Variants in ZNG1E observed in about 807,000 individuals in gnomAD.
ZNG1E encodes the protein zinc-regulated GTPase metalloprotein activator 1E.
chr9:65,703,960 C>T, the ZNG1E span: 1 of 753,270 alleles, frequency 1.3e-6, no homozygotes, highest in Non-Finnish European at 1.5e-6. Flanking sequence ...AAATGTGCTC[C>T]CTGCATTTCA....
the ZNG1E span, among the ~76,000 whole-genome samples, chr9:65,720,764 C>T: frequency 2.1e-5 from 3 of 142,306 alleles, no homozygotes; most frequent in Non-Finnish European, 4.5e-5. Context: ...AGTGATCACT[C>T]AATTTTTGAA....
chr9:65,665,056 G>A, the ZNG1E span, among the ~76,000 whole-genome samples: 4 of 152,270 alleles, frequency 2.6e-5, no homozygotes, highest in Admixed American at 2.6e-4. Context: ...GAGCACAAAA[G>A]TTTGGAAAAT....
At chr9:65,714,939 C>A in the ZNG1E span, among the ~76,000 whole-genome samples, 2 of 151,374 alleles carry the variant, frequency 1.3e-5, no homozygotes, top group African/African-American at 4.9e-5. Flanking sequence ...GTTGGAGCTT[C>A]CTGGCTGCTT....
At chr9:65,683,860 G>C in the ZNG1E span, among the ~76,000 whole-genome samples, 18 of 152,376 alleles carry the variant, frequency 1.2e-4, no homozygotes, top group Non-Finnish European at 2.5e-4. Flanking sequence ...CTGATGATAG[G>C]ACTTGGACTA....
At chr9:65,692,215 CTT>C in the ZNG1E span, among the ~76,000 whole-genome samples, 2 of 42,924 alleles carry the variant, frequency 4.7e-5, 1 homozygote. Flanking sequence ...AATAACCTGT[CTT>C]ATGTACTTAT....
chr9:65,672,240 A>G, the ZNG1E span, among the ~76,000 whole-genome samples: 1 of 151,796 alleles, frequency 6.6e-6, no homozygotes, highest in Non-Finnish European at 1.5e-5. Flanking sequence ...TGCCTATCAG[A>G]TGCTTAGGGG....
chr9:65,671,643 CTGT>C, the ZNG1E span, among the ~76,000 whole-genome samples: 1 of 152,198 alleles, frequency 6.6e-6, no homozygotes, highest in Admixed American at 6.6e-5. Context: ...TCTAAGTAAT[CTGT>C]TGTTACTTTG....
the ZNG1E span, among the ~76,000 whole-genome samples, chr9:65,725,136 T>C: frequency 0.017 from 2,293 of 137,924 alleles, no homozygotes; most frequent in Admixed American, 0.03. Context: ...CTATACAGCA[T>C]AGCTTAGGTG....
the ZNG1E span, among the ~76,000 whole-genome samples, chr9:65,694,612 CT>C: frequency 6.6e-6 from 1 of 151,228 alleles, no homozygotes; most frequent in Non-Finnish European, 1.5e-5. Flanking sequence ...ATAACTTTGC[CT>C]TGATATAAAG....
At chr9:65,685,166 C>G in the ZNG1E span, among the ~76,000 whole-genome samples, 1 of 152,164 alleles carries the variant, frequency 6.6e-6, no homozygotes, top group African/African-American at 2.4e-5. Flanking sequence ...CTAAAAAATG[C>G]TAACAATCAT....
At chr9:65,656,615 C>T in the ZNG1E span, among the ~76,000 whole-genome samples, 1 of 152,286 alleles carries the variant, frequency 6.6e-6, no homozygotes, top group Non-Finnish European at 1.5e-5. Flanking sequence ...ATAATGGTCC[C>T]TCTCCCAGCC....
the ZNG1E span, among the ~76,000 whole-genome samples, chr9:65,676,585 C>T: frequency 4.6e-5 from 7 of 150,996 alleles, no homozygotes; most frequent in Non-Finnish European, 8.8e-5. Context: ...ATTCCCCTTC[C>T]CCAGGAGCCA....
chr9:65,690,772 G>A, the ZNG1E span, among the ~76,000 whole-genome samples: 14 of 152,094 alleles, frequency 9.2e-5, no homozygotes, highest in African/African-American at 3.1e-4. Context: ...AAATGGAATG[G>A]GTATAAATAG....
At chr9:65,716,360 G>A in the ZNG1E span, among the ~76,000 whole-genome samples, 277 of 151,078 alleles carry the variant, frequency 1.8e-3, no homozygotes, top group African/African-American at 6.5e-3. Context: ...GTCTTGCTAT[G>A]TTGCCTAGGC....
At chr9:65,716,796 CA>C in the ZNG1E span, among the ~76,000 whole-genome samples, 1 of 146,542 alleles carries the variant, frequency 6.8e-6, no homozygotes, top group African/African-American at 2.5e-5. Flanking sequence ...GTCAGTGACA[CA>C]GTTATTCAAG....
At chr9:65,657,633 ATAAATC>A in the ZNG1E span, among the ~76,000 whole-genome samples, 1 of 152,322 alleles carries the variant, frequency 6.6e-6, no homozygotes, top group African/African-American at 2.4e-5. Flanking sequence ...GATAGAATGA[ATAAATC>A]TAATAGTTGC....
At chr9:65,688,038 G>A in the ZNG1E span, among the ~76,000 whole-genome samples, 9 of 151,114 alleles carry the variant, frequency 6.0e-5, no homozygotes, top group East Asian at 3.9e-4. Flanking sequence ...TTTGTTCTTC[G>A]TATGTATTCT....
chr9:65,662,673 C>T, the ZNG1E span, among the ~76,000 whole-genome samples: 1 of 151,396 alleles, frequency 6.6e-6, no homozygotes, highest in African/African-American at 2.4e-5. Context: ...GCTTAGAAAG[C>T]AAGTAAGAAA....
At chr9:65,717,342 G>T in the ZNG1E span, among the ~76,000 whole-genome samples, 1 of 147,822 alleles carries the variant, frequency 6.8e-6, no homozygotes, top group African/African-American at 2.6e-5. Flanking sequence ...CTTATTTCTG[G>T]CTTTACTAGG....
Sources: gnomAD v4.1 joint callset for allele counts (sites outside exome capture counted in the v4.1 genomes callset) on GRCh38, gnomAD v4.1.1 for gene constraint, MANE v1.5 for transcripts, NCBI Gene and HGNC (gene_info 2026-07-23, HGNC 2026-07-21) for gene names.